The following VPS13B variants were observed in gnomAD, a reference collection of about 807,000 sequenced individuals.
VPS13B encodes the protein intermembrane lipid transfer protein VPS13B.
VPS13B carries 285 observed loss-of-function variants against 426.4 expected under a neutral mutation model. The ratio of observed to expected loss-of-function variants is 0.67; its 90% CI spans 0.61 to 0.74. The LOEUF is 0.74. Among genes scored for constraint, VPS13B ranks in the 30% least tolerant of loss-of-function variants. VPS13B has a pLI of 0.00. For missense variants in VPS13B, 4,537 were observed against 4,782.6 expected (o/e 0.95, Z 1.51); for synonymous variants, 1,676 against 1,676.4 (o/e 1.00, Z 0.01).
Position 99,818,518 on chromosome 8 carries a change from A to C in VPS13B, c.8429A>C (p.Gln2810Pro), listed in dbSNP as rs769551176. ...CTVLTLEPNSQVQQRMIVFSP... is the reference protein window; with the variant it reads ...CTVLTLEPNSPVQQRMIVFSP... ...GTTTTGACTTTAGAACCCAACTCTC[A>C]AGTGCAACAACGAATGGTGAGTGCT... The change falls in exon 46 of 62, where the codon CAA (glutamine) becomes CCA (proline). Residue 2810 changes from glutamine (Q) to proline (P), a missense_variant. By Grantham distance (76) the Gln-to-Pro change is moderately conservative. Around this residue, in one of 2 missense-constraint regions of VPS13B, gnomAD observed 4,311 missense variants for 4,474.3 expected, o/e 0.96. Transcript: ENST00000357162. The C allele has an allele frequency of 2.4e-5, 38 of 1,613,838 alleles. No homozygotes were observed. The Admixed American group carries it at 3.8e-4, about 16-fold the overall frequency.
At chr8:99,050,359 T>G (rs1278883678) in intron 3 of VPS13B, among the ~76,000 whole-genome samples, 1 of 152,194 alleles carries the variant, frequency 6.6e-6, no homozygotes, top group Non-Finnish European at 1.5e-5. Context: ...ACAAAGGACA[T>G]GAACTCATCC....
intron 30 of VPS13B, among the ~76,000 whole-genome samples, chr8:99,555,688 T>C (rs2133762786): frequency 6.6e-6 from 1 of 152,308 alleles, no homozygotes; most frequent in East Asian, 1.9e-4. Flanking sequence ...TGCCTTGCTA[T>C]TTTACTCTAA....
intron 19 of VPS13B, among the ~76,000 whole-genome samples, chr8:99,378,500 G>A (rs1242082692): frequency 6.6e-6 from 1 of 152,086 alleles, no homozygotes; most frequent in African/African-American, 2.4e-5. Context: ...GTATTGATTG[G>A]GGAAGTGATA....
In VPS13B at chr8:99,013,670, G is replaced by T; in HGVS notation, c.-29-90G>T. 3.2e-6 allele frequency: 4 copies of T among 1,269,526 alleles called. No individual in the cohort carries two copies. The South Asian group carries it at 3.6e-5, about 11-fold the overall frequency. 78.6% of individuals were successfully genotyped at this position (1,269,526 alleles called of 1,614,324 possible). A position where few individuals can be genotyped will look rare whatever the true frequency, so the allele number is the denominator to read the frequency against. On this transcript the variant is annotated intron_variant, in intron 1 of 61. Transcript: ENST00000357162. The stretch of plus-strand genomic sequence containing the variant: ...TAAGAGGAGGCGAACGGCCGCTTTG[G>T]TGGGGACTTACTGCTTTCGGCCTGA...
intron 21 of VPS13B, among the ~76,000 whole-genome samples, chr8:99,429,259 A>G (rs1286510084): frequency 1.3e-5 from 2 of 151,342 alleles, no homozygotes; most frequent in African/African-American, 4.9e-5. Context: ...GTGCACATGT[A>G]CCCTAAAACT....
At chr8:99,814,149 GATA>G (rs960420424) in intron 44 of VPS13B, among the ~76,000 whole-genome samples, 12 of 151,886 alleles carry the variant, frequency 7.9e-5, no homozygotes, top group East Asian at 3.9e-4. Context: ...TAAAAATAGT[GATA>G]ATAATAATAG....
intron 42 of VPS13B, among the ~76,000 whole-genome samples, chr8:99,783,173 G>C (rs1170304684): frequency 6.6e-6 from 1 of 152,136 alleles, no homozygotes; most frequent in Non-Finnish European, 1.5e-5. Flanking sequence ...TTCATCTGTA[G>C]TCTCCTTGGC....
chr8:99,063,973 A>G (rs1457863705), intron 3 of VPS13B, among the ~76,000 whole-genome samples: 1 of 152,208 alleles, frequency 6.6e-6, no homozygotes, highest in African/African-American at 2.4e-5. Context: ...GTGAACCTCC[A>G]GCAAACTCCA....
chr8:99,282,202 A>G (rs895184493), intron 19 of VPS13B, among the ~76,000 whole-genome samples: 1 of 152,090 alleles, frequency 6.6e-6, no homozygotes, highest in African/African-American at 2.4e-5. Context: ...CACCCCACCA[A>G]TTAAATATCC....
Position 99,835,048 on chromosome 8 carries a change from A to C in VPS13B, c.9615-149A>C, listed in dbSNP as rs189785801. 3.5e-6 allele frequency: 3 copies of C among 854,656 alleles called. No individual in the cohort carries two copies. In the African/African-American group the frequency reaches 5.1e-5, roughly 15 times the overall value. The allele number at this position is 854,656 out of a possible 1,614,324, so 52.9% of individuals were successfully genotyped here. Reference sequence around the variant, plus strand: ...ATTTTATGAATATTATAAATATGTTACTGTTATCAGAAAAGGAATCTCCCC... The same window carrying C: ...ATTTTATGAATATTATAAATATGTTCCTGTTATCAGAAAAGGAATCTCCCC... On this transcript the variant is annotated intron_variant, in intron 52 of 61. Coordinates refer to ENST00000357162, the MANE Select transcript of VPS13B (RefSeq NM_152564.5).
Position 99,147,957 on chromosome 8 carries a change from A to G in VPS13B, c.1960A>G (p.Met654Val), listed in dbSNP as rs1408089043. 4.3e-6 allele frequency: 7 copies of G among 1,613,626 alleles called. No individual in the cohort carries two copies. The highest frequency in any genetic ancestry group is 5.1e-6 in the Non-Finnish European group (6 of 1,179,858). ...CCTCAAATGTACCTGCACAATTTCC[A>G]TGGCTGAATTCAACTTGCTGGACCA... ...TLLKCTCTIS[M>V]AEFNLLDHLL... The change falls in exon 14 of 62, where the codon ATG becomes GTG. Residue 654 changes from methionine (M) to valine (V), a missense_variant. Met to Val is a conservative substitution (Grantham distance 21). Coordinates refer to ENST00000357162, the MANE Select transcript of VPS13B (RefSeq NM_152564.5).
chr8:99,321,189 T>C (rs1283364888), intron 19 of VPS13B, among the ~76,000 whole-genome samples: 2 of 148,180 alleles, frequency 1.3e-5, no homozygotes, highest in Admixed American at 1.4e-4. Context: ...TTACTCACAA[T>C]TTTCTTTCTT....
chr8:99,870,657 T>C lies in VPS13B; in HGVS notation c.11393-128T>C. ...TTTAATGATTATCTATACGCTTGCT[T>C]CCAAAGATGTGACATCATTTTGGAT... On this transcript the variant is annotated intron_variant, in intron 59 of 61. Coordinates refer to ENST00000357162, the MANE Select transcript of VPS13B (RefSeq NM_152564.5). 3.7e-6 allele frequency: 3 copies of C among 817,058 alleles called. 1 individual carries two copies. Among genetic ancestry groups the C allele is most frequent in the Admixed American group, 2.0e-5 (1 of 50,990 alleles). 50.6% of individuals were successfully genotyped at this position (817,058 alleles called of 1,614,324 possible).
intron 23 of VPS13B, among the ~76,000 whole-genome samples, chr8:99,450,776 A>C (rs1818156802): frequency 6.6e-6 from 1 of 151,858 alleles, no homozygotes; most frequent in Non-Finnish European, 1.5e-5. Context: ...CTGAGAAATT[A>C]TTTTTCTCTA....
chr8:99,615,652 C>T (rs531101413), intron 33 of VPS13B, among the ~76,000 whole-genome samples: 2 of 152,244 alleles, frequency 1.3e-5, no homozygotes, highest in East Asian at 3.9e-4. Context: ...TTGGATTCTC[C>T]ATTAATCTGA....
At chr8:99,034,897 T>A (rs1393588749) in intron 2 of VPS13B, among the ~76,000 whole-genome samples, 1 of 152,090 alleles carries the variant, frequency 6.6e-6, no homozygotes, top group Non-Finnish European at 1.5e-5. Flanking sequence ...ACATGTGACA[T>A]AAAATTTGTC....
At chr8:99,356,926 A>G (rs963479893) in intron 19 of VPS13B, among the ~76,000 whole-genome samples, 2 of 151,952 alleles carry the variant, frequency 1.3e-5, no homozygotes, top group African/African-American at 4.8e-5. Context: ...TTTATCCTTT[A>G]TCTATTTTGA....
rs760140990 is a variant in VPS13B at position 99,115,770 on chromosome 8, T to C, written c.833T>C (p.Met278Thr). 48 of 1,613,618 alleles carry C rather than the reference T, an allele frequency of 3.0e-5. No individual in the cohort carries two copies. Among genetic ancestry groups the C allele is most frequent in the East Asian group, 2.9e-4 (13 of 44,778 alleles). ...CAACTGCCTATGTTTATTCGTATAA[T>C]GCAACTTGGAATTGCTCTTTACTAT... ...DQQLPMFIRI[M>T]QLGIALYYGE... Residue 278 changes from methionine (M) to threonine (T), a missense_variant, in exon 7 of 62, where the codon ATG becomes ACG. This residue lies in a region of VPS13B where 4,311 missense variants were observed against 4,474.3 expected (regional missense o/e 0.96). Coordinates refer to ENST00000357162, the MANE Select transcript of VPS13B (RefSeq NM_152564.5).
intron 21 of VPS13B, among the ~76,000 whole-genome samples, chr8:99,417,204 A>G (rs1164711579): frequency 6.6e-6 from 1 of 152,172 alleles, no homozygotes; most frequent in African/African-American, 2.4e-5. Context: ...TTATATTTTT[A>G]TAAGCTCCCT....
Sources: allele counts gnomAD v4.1 joint callset (sites outside exome capture counted in the v4.1 genomes callset), GRCh38; gene constraint gnomAD v4.1.1; regional missense constraint gnomAD v4.1.1; transcripts MANE v1.5; gene names NCBI Gene and HGNC (gene_info 2026-07-23, HGNC 2026-07-21).